Variants in GRID1 observed in about 807,000 individuals in gnomAD.
The protein encoded by GRID1 is glutamate receptor ionotropic, delta-1.
Under a neutral mutation model 98.0 loss-of-function variants are expected in GRID1, and 28 were observed. The observed-to-expected ratio is 0.29, with a 90% CI of 0.21 to 0.39. The LOEUF (loss-of-function observed/expected upper bound fraction) is 0.39, where lower values mean the gene tolerates loss of function less well. Ranked by LOEUF, GRID1 falls within the 10% of genes least tolerant of loss-of-function variation. The pLI is 1.00. For synonymous variants in GRID1, 553 were observed against 538.5 expected (o/e 1.03, Z -0.37); for missense variants, 1,111 against 1,340.5 (o/e 0.83, Z 2.67).
chr10:85,919,348 T>G (rs1458541519), intron 4 of GRID1, among the ~76,000 whole-genome samples: 2 of 152,260 alleles, frequency 1.3e-5, no homozygotes, highest in Non-Finnish European at 2.9e-5. Context: ...TCCTCACCAA[T>G]TAAGCATCAG....
intron 13 of GRID1, among the ~76,000 whole-genome samples, chr10:85,642,989 T>C (rs1263209486): frequency 6.6e-6 from 1 of 152,070 alleles, no homozygotes; most frequent in African/African-American, 2.4e-5. Flanking sequence ...ACATAACCCT[T>C]CTCCAGTTCT....
At chr10:86,073,057 C>T (rs1843826431) in intron 4 of GRID1, among the ~76,000 whole-genome samples, 3 of 152,222 alleles carry the variant, frequency 2.0e-5, no homozygotes, top group African/African-American at 4.8e-5. Flanking sequence ...ACAACCTCCA[C>T]TCATGTTTCC....
At chr10:85,701,851 T>G (rs1461605412) in intron 12 of GRID1, among the ~76,000 whole-genome samples, 1 of 152,010 alleles carries the variant, frequency 6.6e-6, no homozygotes, top group Non-Finnish European at 1.5e-5. Context: ...GGTCAAGGGA[T>G]AGTAAAGTGC....
At chr10:86,301,405 A>G (rs1273298617) in intron 2 of GRID1, among the ~76,000 whole-genome samples, 2 of 152,264 alleles carry the variant, frequency 1.3e-5, no homozygotes, top group African/African-American at 2.4e-5. Flanking sequence ...TGGCTAAGCC[A>G]CAGCATAAAA....
intron 12 of GRID1, among the ~76,000 whole-genome samples, chr10:85,656,864 C>A (rs1840903348): frequency 6.6e-6 from 1 of 152,112 alleles, no homozygotes; most frequent in Non-Finnish European, 1.5e-5. Flanking sequence ...CAGCTATTCC[C>A]TAGGAAGGCC....
At chr10:86,283,869 T>TAC (rs1847391137) in intron 2 of GRID1, among the ~76,000 whole-genome samples, 1 of 138,810 alleles carries the variant, frequency 7.2e-6, no homozygotes, top group African/African-American at 2.8e-5. Flanking sequence ...CTCACACACA[T>TAC]CTGCACATAC....
chr10:85,774,044 T>C (rs1164945284), intron 8 of GRID1, among the ~76,000 whole-genome samples: 1 of 152,168 alleles, frequency 6.6e-6, no homozygotes, highest in Admixed American at 6.5e-5. Context: ...AGAACAAAGC[T>C]GTAGGCATCA....
chr10:85,886,504 C>A (rs2131806792), intron 5 of GRID1, among the ~76,000 whole-genome samples: 1 of 152,224 alleles, frequency 6.6e-6, no homozygotes, highest in African/African-American at 2.4e-5. Context: ...TTCACTGTAT[C>A]CAAAACAGCC....
At chr10:85,978,558 T>G (rs1842503859) in intron 4 of GRID1, among the ~76,000 whole-genome samples, 2 of 151,888 alleles carry the variant, frequency 1.3e-5, no homozygotes, top group Non-Finnish European at 2.9e-5. Context: ...AAGCAGACAT[T>G]CCCTAAATTC....
chr10:85,840,621 T>TA (rs1185805300), intron 8 of GRID1, among the ~76,000 whole-genome samples: 1 of 152,208 alleles, frequency 6.6e-6, no homozygotes, highest in Non-Finnish European at 1.5e-5. Context: ...CTTAAACTGA[T>TA]AAAGAACTTC....
chr10:86,147,167 C>T (rs1845100750), intron 3 of GRID1, among the ~76,000 whole-genome samples: 1 of 152,168 alleles, frequency 6.6e-6, no homozygotes, highest in South Asian at 2.1e-4. Context: ...AGGGAGGGCT[C>T]TCCTGTCCCC....
chr10:85,669,930 G>T (rs988012714), intron 12 of GRID1, among the ~76,000 whole-genome samples: 10 of 152,154 alleles, frequency 6.6e-5, no homozygotes, highest in African/African-American at 2.4e-4. Context: ...ATCATATTCT[G>T]CTGTGTTTTG....
intron 4 of GRID1, among the ~76,000 whole-genome samples, chr10:85,936,359 A>T (rs1841925566): frequency 1.3e-5 from 2 of 152,256 alleles, no homozygotes; most frequent in Admixed American, 1.3e-4. Flanking sequence ...CACACTGTTT[A>T]TGCCTTTGGC....
intron 2 of GRID1, among the ~76,000 whole-genome samples, chr10:86,225,080 A>G (rs1361440866): frequency 2.0e-5 from 3 of 152,252 alleles, no homozygotes; most frequent in East Asian, 1.9e-4. Flanking sequence ...CATAGAAAGC[A>G]TCGATTTTGC....
intron 4 of GRID1, among the ~76,000 whole-genome samples, chr10:86,109,790 A>G (rs1288148756): frequency 6.6e-6 from 1 of 152,146 alleles, no homozygotes; most frequent in Admixed American, 6.6e-5. Context: ...GGATGAGACC[A>G]TGGGCTTTCA....
chr10:85,790,896 GC>G (rs1842472440), intron 8 of GRID1, among the ~76,000 whole-genome samples: 1 of 152,174 alleles, frequency 6.6e-6, no homozygotes, highest in Non-Finnish European at 1.5e-5. Flanking sequence ...ACCAGGCACA[GC>G]CCCGCTCTCT....
intron 12 of GRID1, among the ~76,000 whole-genome samples, chr10:85,667,316 C>CAT (rs1178027068): frequency 4.7e-5 from 7 of 148,816 alleles, no homozygotes; most frequent in Admixed American, 2.7e-4. Context: ...CACACACACA[C>CAT]AGAGAGAGAG....
intron 4 of GRID1, among the ~76,000 whole-genome samples, chr10:85,989,167 G>A (rs1358445239): frequency 6.6e-6 from 1 of 152,198 alleles, no homozygotes; most frequent in Non-Finnish European, 1.5e-5. Context: ...CTTGGCCAGT[G>A]AGAGTTCCAC....
At chr10:85,747,831 C>T (rs1842011624) in intron 8 of GRID1, among the ~76,000 whole-genome samples, 1 of 152,116 alleles carries the variant, frequency 6.6e-6, no homozygotes, top group Non-Finnish European at 1.5e-5. Context: ...GATGGGTCTT[C>T]CCATATCTAA....
Sources: gnomAD v4.1 joint callset for allele counts (sites outside exome capture counted in the v4.1 genomes callset) on GRCh38, gnomAD v4.1.1 for gene constraint, MANE v1.5 for transcripts, NCBI Gene and HGNC (gene_info 2026-07-23, HGNC 2026-07-21) for gene names.